The following ARHGEF26 variants were observed in gnomAD, a reference collection of about 807,000 sequenced individuals.
ARHGEF26 encodes Rho guanine nucleotide exchange factor 26, also known as Rho guanine nucleotide exchange factor (GEF) 26.
A neutral mutation model predicts 89.4 loss-of-function variants in ARHGEF26; 59 were observed. The ratio of observed to expected loss-of-function variants is 0.66; its 90% CI spans 0.54 to 0.82. The LOEUF (loss-of-function observed/expected upper bound fraction) is 0.82, where lower values mean the gene tolerates loss of function less well. ARHGEF26 is among the 40% of genes least tolerant of loss of function. The pLI, the probability that ARHGEF26 is intolerant of heterozygous loss-of-function variation, is 0.00. For missense variants in ARHGEF26, 1,234 were observed against 1,085.6 expected, an observed-to-expected ratio of 1.14 and a Z score of -1.92; for synonymous variants, 500 against 428.4, an observed-to-expected ratio of 1.17 and a Z score of -2.06.
chr3:154,132,925 G>A (rs1314176488), intron 4 of ARHGEF26, among the ~76,000 whole-genome samples: 1 of 152,018 alleles, frequency 6.6e-6, no homozygotes, highest in South Asian at 2.1e-4. Context: ...TAAAGACAAG[G>A]GGTTTTCTGG....
intron 6 of ARHGEF26, among the ~76,000 whole-genome samples, chr3:154,184,193 C>T (rs1356027495): frequency 6.6e-6 from 1 of 152,070 alleles, no homozygotes; most frequent in South Asian, 2.1e-4. Context: ...AGGATGGTCT[C>T]GATCTCCTGA....
intron 5 of ARHGEF26, among the ~76,000 whole-genome samples, chr3:154,149,985 A>G (rs981792302): frequency 2.0e-5 from 3 of 151,654 alleles, no homozygotes; most frequent in African/African-American, 7.3e-5. Context: ...AATCAATGCA[A>G]TTTGAGAAAA....
chr3:154,250,411 A>C (rs937159189), intron 12 of ARHGEF26, among the ~76,000 whole-genome samples: 42 of 152,292 alleles, frequency 2.8e-4, no homozygotes, highest in Non-Finnish European at 4.7e-4. Context: ...ACTCAATTGA[A>C]AGTCTCAAAA....
chr3:154,123,163 G>A, intron 2 of ARHGEF26, 88 bp downstream of exon 2: 1 of 1,527,430 alleles, frequency 6.5e-7, no homozygotes, highest in Non-Finnish European at 8.8e-7. Flanking sequence ...GAGGAAACCC[G>A]AAGAAGTCAT....
Position 154,129,678 on chromosome 3 carries a change from C to G in ARHGEF26, c.1228C>G (p.His410Asp), listed in dbSNP as rs755814717. The change falls in exon 4 of 15, where the codon CAC (histidine) becomes GAC (aspartate). Residue 410 changes from histidine to aspartate, a missense_variant. His to Asp is a moderately conservative substitution (Grantham distance 81). Coordinates refer to ENST00000465093, the MANE Select transcript of ARHGEF26 (RefSeq NM_015595.4). The part of the protein sequence containing the change: ...EQKSDEKIVI[H>D]HKPLRSTWSQ... ...GAAGTCAGATGAAAAAATTGTGATT[C>G]ACCATAAGCCATTGAGATCCACATG... 3.7e-6 allele frequency: 6 copies of G among 1,612,184 alleles called. No individual in the cohort carries two copies. In the Admixed American group the frequency reaches 1.0e-4, roughly 27 times the overall value.
At chr3:154,146,321 A>T (rs186520046) in intron 4 of ARHGEF26, among the ~76,000 whole-genome samples, 19 of 152,298 alleles carry the variant, frequency 1.2e-4, no homozygotes, top group Admixed American at 1.1e-3. Context: ...TAATACCATC[A>T]CCTTGGGGGT....
intron 7 of ARHGEF26, among the ~76,000 whole-genome samples, chr3:154,191,073 G>A (rs1240750101): frequency 6.6e-6 from 1 of 152,018 alleles, no homozygotes; most frequent in Non-Finnish European, 1.5e-5. Context: ...ATACTGTTAT[G>A]TGAAATCCAC....
At chr3:154,124,673 C>T (rs1449201878) in intron 3 of ARHGEF26, among the ~76,000 whole-genome samples, 3 of 151,918 alleles carry the variant, frequency 2.0e-5, no homozygotes, top group East Asian at 1.9e-4. Context: ...CTTTTTCAGT[C>T]GATGTCCTGG....
chr3:154,150,052 A>G (rs1409577921), intron 5 of ARHGEF26, among the ~76,000 whole-genome samples: 1 of 141,170 alleles, frequency 7.1e-6, no homozygotes, highest in Non-Finnish European at 1.5e-5. Flanking sequence ...TGCTTCCTGC[A>G]TATTATTGTG....
intron 3 of ARHGEF26, among the ~76,000 whole-genome samples, chr3:154,128,845 C>G (rs1718498416): frequency 6.6e-6 from 1 of 152,224 alleles, no homozygotes; most frequent in Non-Finnish European, 1.5e-5. Flanking sequence ...GCCCTCCTCC[C>G]AGCGCTTTCT....
chr3:154,127,149 A>G (rs1034003414), intron 3 of ARHGEF26, among the ~76,000 whole-genome samples: 8 of 152,194 alleles, frequency 5.3e-5, no homozygotes, highest in Non-Finnish European at 1.2e-4. Context: ...ACTGTACACT[A>G]TTGTAGACTT....
intron 4 of ARHGEF26, among the ~76,000 whole-genome samples, chr3:154,147,734 A>C (rs931290678): frequency 8.5e-5 from 13 of 152,340 alleles, no homozygotes; most frequent in African/African-American, 2.9e-4. Context: ...GAGAATTTTC[A>C]GAGGTCTTTC....
intron 10 of ARHGEF26, among the ~76,000 whole-genome samples, chr3:154,225,190 TATA>T (rs1384994818): frequency 6.6e-6 from 1 of 152,190 alleles, no homozygotes; most frequent in African/African-American, 2.4e-5. Flanking sequence ...TCTATGATAT[TATA>T]ATGATTATGA....
intron 7 of ARHGEF26, 30 bp from the exon 8 acceptor site, chr3:154,191,259 G>A (rs535852544): frequency 3.2e-6 from 5 of 1,578,054 alleles, no homozygotes; most frequent in East Asian, 2.3e-5. Flanking sequence ...GAAATATTTT[G>A]AAGTTTCTCT....
intron 9 of ARHGEF26, among the ~76,000 whole-genome samples, chr3:154,215,396 G>GA (rs1715655399): frequency 6.9e-6 from 1 of 145,230 alleles, no homozygotes; most frequent in African/African-American, 2.5e-5. Context: ...CTCAGTCTGT[G>GA]ATTTTTTTTT....
chr3:154,158,343 CTCTG>C (rs1427422619), intron 6 of ARHGEF26, among the ~76,000 whole-genome samples: 2 of 152,318 alleles, frequency 1.3e-5, no homozygotes, highest in East Asian at 1.9e-4. Context: ...CTTCCTGTTA[CTCTG>C]TCTCTTAGTG....
chr3:154,136,349 G>T lies in ARHGEF26; in HGVS notation c.1269+6630G>T, dbSNP rs111469523. Among the ~76,000 whole-genome samples, 510 of 99,898 alleles carry T rather than the reference G, an allele frequency of 5.1e-3. 4 individuals are homozygous for T. Among genetic ancestry groups the T allele is most frequent in the African/African-American group, 0.017 (486 of 28,196 alleles). 65.5% of individuals were successfully genotyped at this position (99,898 alleles called of 152,430 possible). On this transcript the variant is annotated intron_variant, in intron 4 of 14. Transcript: ENST00000465093. ...TAATTAAAGTATTTTTCAGCTCTGT[G>T]CTAAGTGTGACTAACAGTGCAATGG...
intron 4 of ARHGEF26, among the ~76,000 whole-genome samples, chr3:154,137,335 G>A (rs536448852): frequency 7.9e-5 from 12 of 152,076 alleles, no homozygotes; most frequent in Non-Finnish European, 1.5e-4. Flanking sequence ...GCACCACTTC[G>A]GGGCTCTTCA....
At chr3:154,238,742 C>G (rs1460797654) in intron 11 of ARHGEF26, among the ~76,000 whole-genome samples, 1 of 152,192 alleles carries the variant, frequency 6.6e-6, no homozygotes, top group Admixed American at 6.5e-5. Context: ...CTCTCATGTT[C>G]ACTCGCAAGG....
Sources: allele counts gnomAD v4.1 joint callset (sites outside exome capture counted in the v4.1 genomes callset), GRCh38; gene constraint gnomAD v4.1.1; transcripts MANE v1.5; gene names NCBI Gene and HGNC (gene_info 2026-07-23, HGNC 2026-07-21).